The following SGCD variants were observed in gnomAD, a reference collection of about 807,000 sequenced individuals.
SGCD encodes sarcoglycan delta.
A neutral mutation model predicts 36.6 loss-of-function variants in SGCD; 18 were observed. The ratio of observed to expected loss-of-function variants is 0.49; its 90% confidence interval spans 0.34 to 0.73. The LOEUF (loss-of-function observed/expected upper bound fraction) is 0.73. Ranked by LOEUF, SGCD falls within the 30% of genes least tolerant of loss-of-function variation. The probability of loss-of-function intolerance (pLI) is 0.01; values close to 1 mark genes in which losing one functional copy is unlikely to be tolerated. For missense variants in SGCD, 387 were observed against 346.7 expected (o/e 1.12, Z -0.92); for synonymous variants, 133 against 130.6 (o/e 1.02, Z -0.12).
chr5:156,427,993 TTTTC>T (rs1390414945), intron 3 of SGCD, among the ~76,000 whole-genome samples: 1 of 152,004 alleles, frequency 6.6e-6, no homozygotes, highest in African/African-American at 2.4e-5. Flanking sequence ...TCAGCCACAG[TTTTC>T]TTTTTGGTTA....
At chr5:156,301,390 T>G (rs1216824689) in intron 3 of SGCD, among the ~76,000 whole-genome samples, 2 of 152,030 alleles carry the variant, frequency 1.3e-5, no homozygotes, top group Non-Finnish European at 2.9e-5. Context: ...AGTAAAAACT[T>G]TATGCTTTAA....
At chr5:156,271,718 T>C (rs1014779780) in intron 3 of SGCD, among the ~76,000 whole-genome samples, 16 of 152,220 alleles carry the variant, frequency 1.1e-4, no homozygotes, top group Admixed American at 5.9e-4. Context: ...AAATACATCA[T>C]GATCCAAGGG....
In SGCD at chr5:156,608,911, A is replaced by T. The variant is rs575776868; in HGVS notation, c.502+13860A>T. On this transcript the variant is annotated intron_variant, in intron 6 of 8. Transcript: ENST00000337851. ...CCATTTGCTTGGTAGATCTTCCTCC[A>T]TCCCTTTATTTTGAGCCTATGTGTG... Among the ~76,000 whole-genome samples the T allele has an allele frequency of 3.3e-5, 5 of 151,916 alleles. No individual in the cohort carries two copies. The East Asian group carries it at 9.7e-4, about 29-fold the overall frequency.
chr5:155,900,917 G>C (rs538913707), intron 1 of SGCD, among the ~76,000 whole-genome samples: 2 of 152,098 alleles, frequency 1.3e-5, no homozygotes, highest in African/African-American at 4.8e-5. Flanking sequence ...CCAAAATCAA[G>C]GTAATGAACG....
chr5:156,665,155 G>A (rs157326), intron 7 of SGCD, among the ~76,000 whole-genome samples: 26 of 151,892 alleles, frequency 1.7e-4, no homozygotes, highest in African/African-American at 6.1e-4. Context: ...ATAGGCTACT[G>A]GCGGTTGGGT....
At chr5:155,992,035 C>A (rs1478998391) in intron 1 of SGCD, among the ~76,000 whole-genome samples, 3 of 152,192 alleles carry the variant, frequency 2.0e-5, no homozygotes, top group Non-Finnish European at 4.4e-5. Flanking sequence ...GTTGAATCTT[C>A]AAAGCTCTGA....
chr5:156,482,819 T>TTTTTTTG (rs1755493978), intron 3 of SGCD, among the ~76,000 whole-genome samples: 2 of 142,834 alleles, frequency 1.4e-5, no homozygotes, highest in Non-Finnish European at 3.1e-5. Flanking sequence ...GTCAGTTTTT[T>TTTTTTTG]TTTTTTTTTT....
At chr5:156,393,719 A>G (rs1290957467) in intron 3 of SGCD, 3 of 456,226 alleles carry the variant, frequency 6.6e-6, no homozygotes, top group Non-Finnish European at 1.3e-5. Context: ...AGTTACTAAC[A>G]AAGTGCTGTC....
chr5:156,459,292 G>A (rs1392262283), intron 3 of SGCD, among the ~76,000 whole-genome samples: 1 of 152,176 alleles, frequency 6.6e-6, no homozygotes, highest in Non-Finnish European at 1.5e-5. Flanking sequence ...CAATGTTCTA[G>A]AAGAAAGCTT....
intron 1 of SGCD, among the ~76,000 whole-genome samples, chr5:155,963,600 C>T (rs1201094832): frequency 6.6e-6 from 1 of 151,962 alleles, no homozygotes; most frequent in South Asian, 2.1e-4. Context: ...TCACAACCAC[C>T]CTATAAAGAA....
intron 1 of SGCD, among the ~76,000 whole-genome samples, chr5:156,076,487 C>T (rs1760788123): frequency 2.0e-5 from 3 of 152,246 alleles, no homozygotes; most frequent in Admixed American, 2.0e-4. Flanking sequence ...ATTTCTAAGG[C>T]ATGTGGGAAG....
chr5:156,613,647 C>A (rs1303091336), intron 6 of SGCD, among the ~76,000 whole-genome samples: 1 of 152,156 alleles, frequency 6.6e-6, no homozygotes, highest in African/African-American at 2.4e-5. Flanking sequence ...TCAAGCTATA[C>A]CCCAGAGCTA....
At chr5:156,480,748 A>G (rs1010680465) in intron 3 of SGCD, among the ~76,000 whole-genome samples, 2 of 152,220 alleles carry the variant, frequency 1.3e-5, no homozygotes, top group African/African-American at 4.8e-5. Context: ...TGCAATTGCC[A>G]CTACTGAAAA....
intron 5 of SGCD, among the ~76,000 whole-genome samples, chr5:156,592,235 T>A (rs1201613655): frequency 1.3e-5 from 2 of 152,136 alleles, no homozygotes; most frequent in Admixed American, 1.3e-4. Context: ...TGCTTTTTTA[T>A]ATGAATGGAA....
At chr5:156,212,505 A>G (rs1764470954) in intron 3 of SGCD, among the ~76,000 whole-genome samples, 1 of 152,216 alleles carries the variant, frequency 6.6e-6, no homozygotes, top group African/African-American at 2.4e-5. Context: ...TGAAACAAAT[A>G]TTAATAGATC....
chr5:156,177,150 C>A (rs554256475), intron 3 of SGCD, among the ~76,000 whole-genome samples: 3 of 152,110 alleles, frequency 2.0e-5, no homozygotes, highest in South Asian at 4.2e-4. Flanking sequence ...TACAGGTACA[C>A]GCCACCATGC....
At chr5:156,087,481 A>C (rs1761126858) in intron 1 of SGCD, among the ~76,000 whole-genome samples, 1 of 152,034 alleles carries the variant, frequency 6.6e-6, no homozygotes, top group Non-Finnish European at 1.5e-5. Flanking sequence ...TCTGCTAAAA[A>C]TACAAAAAAT....
At chr5:155,766,192 C>A in the SGCD span, among the ~76,000 whole-genome samples, 2 of 152,128 alleles carry the variant, frequency 1.3e-5, no homozygotes, top group Non-Finnish European at 2.9e-5. Flanking sequence ...ACCTGCTAGT[C>A]TCAGGGAACA....
At chr5:156,464,330 C>A (rs765438882) in intron 3 of SGCD, among the ~76,000 whole-genome samples, 8 of 150,152 alleles carry the variant, frequency 5.3e-5, no homozygotes, top group Non-Finnish European at 1.2e-4. Flanking sequence ...AATTGATTCT[C>A]CTGCCTCACC....
Sources: allele counts gnomAD v4.1 joint callset (sites outside exome capture counted in the v4.1 genomes callset), GRCh38; gene constraint gnomAD v4.1.1; transcripts MANE v1.5; gene names NCBI Gene and HGNC (gene_info 2026-07-23, HGNC 2026-07-21).